Variants in C12orf50 observed in about 807,000 individuals in gnomAD.
C12orf50 encodes zinc finger CCCH-type containing 11D.
C12orf50 carries 35 observed loss-of-function variants against 61.6 expected under a neutral mutation model. That is an observed-to-expected ratio of 0.57 (90% CI 0.43 to 0.75). The LOEUF is 0.75. C12orf50 is among the 30% of genes least tolerant of loss of function. The pLI is 0.00. For synonymous variants in C12orf50, 178 were observed against 161.5 expected (o/e 1.10, Z -0.77); for missense variants, 475 against 488.5 (o/e 0.97, Z 0.26).
intron 3 of C12orf50, among the ~76,000 whole-genome samples, chr12:88,012,854 C>T (rs963335751): frequency 6.6e-6 from 1 of 151,990 alleles, no homozygotes; most frequent in Non-Finnish European, 1.5e-5. Flanking sequence ...TGCTTGAATC[C>T]AGGAGTTGAG....
intron 3 of C12orf50, among the ~76,000 whole-genome samples, chr12:88,018,803 T>G (rs1459381063): frequency 2.0e-5 from 3 of 152,252 alleles, no homozygotes. Flanking sequence ...TGCTGGATTT[T>G]GGACTTGCAT....
intron 7 of C12orf50, among the ~76,000 whole-genome samples, chr12:87,991,337 AT>A (rs2031111686): frequency 6.6e-6 from 1 of 152,194 alleles, no homozygotes; most frequent in Non-Finnish European, 1.5e-5. Flanking sequence ...CCTGAGGAAA[AT>A]GAAAGATATC....
intron 4 of C12orf50, among the ~76,000 whole-genome samples, chr12:87,997,541 T>G (rs1201557117): frequency 6.6e-6 from 1 of 152,124 alleles, no homozygotes; most frequent in African/African-American, 2.4e-5. Context: ...TAGGTATCAC[T>G]CCTGATGTTA....
chr12:88,027,488 C>A (rs542717229), intron 1 of C12orf50, among the ~76,000 whole-genome samples: 1 of 152,252 alleles, frequency 6.6e-6, no homozygotes, highest in East Asian at 1.9e-4. Context: ...TTCTATTAAT[C>A]AATCCTTTTA....
At chr12:88,023,245 T>TAA (rs564700256) in intron 3 of C12orf50, among the ~76,000 whole-genome samples, 11,628 of 151,932 alleles carry the variant, frequency 0.077, 1,150 homozygotes, top group African/African-American at 0.23. Context: ...GTGACAAAAA[T>TAA]AAGAAACAGG....
At chr12:87,989,487 T>G in intron 7 of C12orf50, 116 bp from the exon 8 acceptor site, 2 of 647,374 alleles carry the variant, frequency 3.1e-6, no homozygotes, top group Non-Finnish European at 5.5e-6. Flanking sequence ...TGGACACTTC[T>G]CAGTGATACC....
rs547768808 is a variant in C12orf50, at chr12:88,003,247, T to C, written c.134-5057A>G. The stretch of plus-strand genomic sequence containing the variant: ...CAGTTTTGCTTCCATCTGCCTCTTT[T>C]GTGTGGCTATTATTAAATATATTAC... On this transcript the variant is annotated intron_variant, in intron 3 of 12. Coordinates refer to ENST00000298699, the MANE Select transcript of C12orf50 (RefSeq NM_152589.3). 5.3e-5 allele frequency among the ~76,000 whole-genome samples: 8 copies of C among 152,044 alleles called. No homozygotes were observed. The South Asian group carries it at 1.7e-3, about 32-fold the overall frequency.
At chr12:88,026,449 G>T in intron 3 of C12orf50, 39 bp downstream of exon 3, 1 of 1,597,070 alleles carries the variant, frequency 6.3e-7, no homozygotes, top group Non-Finnish European at 8.5e-7. Flanking sequence ...AACCAGATTA[G>T]AATATGGTAA....
intron 1 of C12orf50, 69 bp from the exon 2 acceptor site, chr12:88,027,139 C>G (rs771357510): frequency 1.9e-4 from 273 of 1,445,922 alleles, no homozygotes; most frequent in Admixed American, 4.8e-4. Flanking sequence ...CAATAGGTTG[C>G]TAATTAGTTA....
chr12:88,021,757 T>G (rs908841852), intron 3 of C12orf50, among the ~76,000 whole-genome samples: 1 of 152,040 alleles, frequency 6.6e-6, no homozygotes, highest in African/African-American at 2.4e-5. Context: ...ATGAATATAT[T>G]CCTAAACACA....
At chr12:88,000,799 A>G (rs1565749220) in intron 3 of C12orf50, among the ~76,000 whole-genome samples, 1 of 151,836 alleles carries the variant, frequency 6.6e-6, no homozygotes, top group Non-Finnish European at 1.5e-5. Flanking sequence ...ATGCTATTGT[A>G]AGTGGGATTT....
chr12:88,017,195 GA>G (rs2032342916), intron 3 of C12orf50, among the ~76,000 whole-genome samples: 1 of 152,174 alleles, frequency 6.6e-6, no homozygotes, highest in Non-Finnish European at 1.5e-5. Context: ...ACATATCATG[GA>G]AGGAACCTGG....
At chr12:88,018,790 C>A (rs541487476) in intron 3 of C12orf50, among the ~76,000 whole-genome samples, 1 of 152,220 alleles carries the variant, frequency 6.6e-6, no homozygotes, top group Non-Finnish European at 1.5e-5. Context: ...GATTTGTCTG[C>A]CCTGCTGGAT....
upstream of C12orf50, among the ~76,000 whole-genome samples, chr12:88,029,786 T>A (rs2032830710): frequency 6.6e-6 from 1 of 152,200 alleles, no homozygotes; most frequent in Non-Finnish European, 1.5e-5. Context: ...ATGTACTCTC[T>A]ACTATCCATT....
chr12:88,018,565 A>G (rs2032397390), intron 3 of C12orf50, among the ~76,000 whole-genome samples: 1 of 152,228 alleles, frequency 6.6e-6, no homozygotes, highest in Non-Finnish European at 1.5e-5. Context: ...ACTGTCCTCT[A>G]GACCCCAGAA....
At chr12:87,984,789 G>C (rs1276886329) in intron 11 of C12orf50, 3 of 152,064 alleles carry the variant, frequency 2.0e-5, no homozygotes, top group Non-Finnish European at 4.4e-5. Flanking sequence ...TATGAATTCT[G>C]GCACCTTCAC....
At chr12:87,990,906 CA>C (rs2031090772) in intron 7 of C12orf50, among the ~76,000 whole-genome samples, 1 of 152,046 alleles carries the variant, frequency 6.6e-6, no homozygotes, top group Non-Finnish European at 1.5e-5. Flanking sequence ...AGGAAATAAG[CA>C]AAAACTGCAT....
At chr12:87,985,610 A>G (rs2030767866) in intron 11 of C12orf50, 3 of 545,708 alleles carry the variant, frequency 5.5e-6, no homozygotes, top group Admixed American at 3.2e-5. Context: ...GCTCTGAGAA[A>G]AAAACTCTAG....
chr12:88,018,173 A>ATGGGC (rs1261501405), intron 3 of C12orf50, among the ~76,000 whole-genome samples: 2 of 152,196 alleles, frequency 1.3e-5, no homozygotes, highest in African/African-American at 4.8e-5. Context: ...AAATGGTTTC[A>ATGGGC]TGGGCTAGGC....
Sources: allele counts gnomAD v4.1 joint callset (sites outside exome capture counted in the v4.1 genomes callset), GRCh38; gene constraint gnomAD v4.1.1; transcripts MANE v1.5; gene names NCBI Gene and HGNC (gene_info 2026-07-23, HGNC 2026-07-21).